Variants in SDCCAG8 observed in about 807,000 individuals in gnomAD.
SDCCAG8 encodes the protein serologically defined colon cancer antigen 8.
SDCCAG8 carries 74 observed loss-of-function variants against 101.8 expected under a neutral mutation model. The observed-to-expected ratio is 0.73, with a 90% confidence interval of 0.60 to 0.88. The LOEUF is 0.88. Ranked by LOEUF, SDCCAG8 falls within the 40% of genes least tolerant of loss-of-function variation. SDCCAG8 has a pLI of 0.00. For missense variants in SDCCAG8, 787 were observed against 822.6 expected (o/e 0.96, Z 0.53); for synonymous variants, 281 against 292.9 (o/e 0.96, Z 0.41).
At chr1:243,360,747 G>C (rs952746238) in intron 12 of SDCCAG8, among the ~76,000 whole-genome samples, 1 of 152,062 alleles carries the variant, frequency 6.6e-6, no homozygotes, top group African/African-American at 2.4e-5. Flanking sequence ...GTTTGAACCC[G>C]GGTGGTGGAG....
Position 243,344,298 on chromosome 1 carries a change from A to G in SDCCAG8, c.1440A>G (p.Ala480=), listed in dbSNP as rs2075568140. 3 of 1,613,728 alleles carry G rather than the reference A, an allele frequency of 1.9e-6. No homozygotes were observed. The highest frequency in any genetic ancestry group is 2.5e-6 in the Non-Finnish European group (3 of 1,179,798). Residue 480 remains alanine, a synonymous_variant, in exon 12 of 18, where the codon GCA becomes GCG. Coordinates refer to ENST00000366541, the MANE Select transcript of SDCCAG8 (RefSeq NM_006642.5). ...AAAAGGAGCACAGAGAGTTCAGAGC[A>G]AAAACTAACAGGGATCTTGAAATTA... ...EAEKEHREFR[A]KTNRDLEIKD...
Position 243,426,425 on chromosome 1 carries a change from A to G in SDCCAG8, c.1854-2A>G. 6.2e-7 allele frequency: 1 copy of G among 1,612,682 alleles called. No homozygotes were observed. The highest frequency in any genetic ancestry group is 1.1e-5 in the South Asian group (1 of 90,988). On this transcript the variant is annotated splice_acceptor_variant, in intron 15 of 17. Coordinates refer to ENST00000366541, the MANE Select transcript of SDCCAG8 (RefSeq NM_006642.5). LOFTEE classifies it high-confidence loss of function. ...CTATTATTTTTGTGTTTTCACCTCT[A>G]GATCTGAAATAGCTCAACTCAGTCA...
rs1251533365 is a variant in SDCCAG8 at position 243,499,928 on chromosome 1, G to A, written c.*143G>A. ...CAGTGGGGCTGGTCCTCATCAACGCGGGCGCTGTCCCCGCACGCAGTCGGG... is the reference window on the plus strand; with the variant it reads ...CAGTGGGGCTGGTCCTCATCAACGCAGGCGCTGTCCCCGCACGCAGTCGGG... On this transcript the variant is annotated 3_prime_UTR_variant, in exon 18 of 18. Coordinates refer to ENST00000366541, the MANE Select transcript of SDCCAG8 (RefSeq NM_006642.5). 1.2e-5 allele frequency: 9 copies of A among 762,878 alleles called. No individual in the cohort carries two copies. Among genetic ancestry groups the A allele is most frequent in the Middle Eastern group, 2.2e-4 (1 of 4,470 alleles). The allele number at this position is 762,878 out of a possible 1,614,324, so 47.3% of individuals were successfully genotyped here. A position where few individuals can be genotyped will look rare whatever the true frequency, so the allele number is the denominator to read the frequency against.
intron 10 of SDCCAG8, among the ~76,000 whole-genome samples, chr1:243,339,731 G>A (rs553378679): frequency 1.3e-5 from 2 of 152,220 alleles, no homozygotes; most frequent in South Asian, 4.1e-4. Context: ...TTGATGTCAG[G>A]TTCTTAATTT....
intron 1 of SDCCAG8, among the ~76,000 whole-genome samples, chr1:243,266,298 T>C: frequency 6.6e-6 from 1 of 151,670 alleles, no homozygotes; most frequent in South Asian, 2.1e-4. Flanking sequence ...CCTTTGACCA[T>C]CACTGAATTT....
intron 11 of SDCCAG8, among the ~76,000 whole-genome samples, chr1:243,341,712 C>G (rs576007937): frequency 2.4e-4 from 37 of 152,250 alleles, no homozygotes; most frequent in African/African-American, 8.9e-4. Flanking sequence ...CTTTAAAATA[C>G]TACATTGTCT....
Position 243,499,787 on chromosome 1 carries a change from C to T in SDCCAG8, c.*2C>T, listed in dbSNP as rs376082705. ...AGCATGCCACAATCTGATTGCTGAC[C>T]TGGATGGAACAGAGTGAAATAAATG... On this transcript the variant is annotated 3_prime_UTR_variant, in exon 18 of 18. Transcript: ENST00000366541. 149 of 1,612,440 alleles carry T rather than the reference C, an allele frequency of 9.2e-5. No individual in the cohort carries two copies. The highest frequency in any genetic ancestry group is 8.7e-5 in the Non-Finnish European group (102 of 1,178,910).
intron 16 of SDCCAG8, among the ~76,000 whole-genome samples, chr1:243,454,830 G>A (rs2083619370): frequency 6.6e-6 from 1 of 152,078 alleles, no homozygotes; most frequent in African/African-American, 2.4e-5. Flanking sequence ...CATGACAGAT[G>A]CACCCTCCAC....
At chr1:243,445,847 T>C (rs185925525) in intron 16 of SDCCAG8, among the ~76,000 whole-genome samples, 175 of 152,372 alleles carry the variant, frequency 1.1e-3, no homozygotes, top group Admixed American at 2.1e-3. Context: ...TTCAGCTTTG[T>C]TGAATGCTTC....
At chr1:243,274,772 C>A in intron 4 of SDCCAG8, 116 bp downstream of exon 4, 1 of 657,340 alleles carries the variant, frequency 1.5e-6, no homozygotes, top group Non-Finnish European at 2.8e-6. Context: ...TTGACAATTG[C>A]TATTCTTACG....
chr1:243,495,250 C>A (rs892244965), intron 17 of SDCCAG8, among the ~76,000 whole-genome samples: 6 of 152,228 alleles, frequency 3.9e-5, no homozygotes, highest in Non-Finnish European at 7.3e-5. Context: ...TGCGGGGCCG[C>A]CTCCCTCTCC....
intron 16 of SDCCAG8, among the ~76,000 whole-genome samples, chr1:243,451,768 G>C (rs1264171184): frequency 6.6e-6 from 1 of 151,970 alleles, no homozygotes; most frequent in Admixed American, 6.6e-5. Context: ...TACAAAAAAA[G>C]AAATACAAAA....
At chr1:243,407,555 T>C (rs2079874280) in intron 13 of SDCCAG8, among the ~76,000 whole-genome samples, 1 of 152,228 alleles carries the variant, frequency 6.6e-6, no homozygotes, top group South Asian at 2.1e-4. Context: ...AGGCAATAGC[T>C]AGTCTACTGT....
At chr1:243,394,310 A>G (rs555218929) in intron 13 of SDCCAG8, among the ~76,000 whole-genome samples, 2 of 152,308 alleles carry the variant, frequency 1.3e-5, no homozygotes, top group South Asian at 4.1e-4. Context: ...AATTAGACTT[A>G]TTTGATATAG....
At chr1:243,367,364 A>G (rs967805099) in intron 12 of SDCCAG8, among the ~76,000 whole-genome samples, 5 of 152,134 alleles carry the variant, frequency 3.3e-5, no homozygotes, top group Non-Finnish European at 5.9e-5. Context: ...TGATTTGAAT[A>G]CAGCTAGTGT....
intron 10 of SDCCAG8, among the ~76,000 whole-genome samples, chr1:243,335,251 T>C (rs1173691818): frequency 6.6e-6 from 1 of 152,102 alleles, no homozygotes; most frequent in African/African-American, 2.4e-5. Context: ...CAAGAATAGA[T>C]GGGGTTTAGA....
intron 10 of SDCCAG8, among the ~76,000 whole-genome samples, chr1:243,339,709 A>G (rs771769028): frequency 2.0e-5 from 3 of 152,224 alleles, no homozygotes; most frequent in Admixed American, 6.5e-5. Flanking sequence ...GCAGACACCT[A>G]TCTTCGTTTT....
intron 16 of SDCCAG8, among the ~76,000 whole-genome samples, chr1:243,438,927 G>A (rs1367789664): frequency 3.3e-5 from 5 of 152,070 alleles, no homozygotes; most frequent in Non-Finnish European, 5.9e-5. Context: ...TTCCATATCT[G>A]TTTTAAGATA....
intron 16 of SDCCAG8, among the ~76,000 whole-genome samples, chr1:243,427,928 G>T (rs2148047782): frequency 6.6e-6 from 1 of 152,274 alleles, no homozygotes; most frequent in East Asian, 1.9e-4. Context: ...GCCACACGTG[G>T]TCTCCGTGGC....
Sources: allele counts gnomAD v4.1 joint callset (sites outside exome capture counted in the v4.1 genomes callset), GRCh38; gene constraint gnomAD v4.1.1; transcripts MANE v1.5; gene names NCBI Gene and HGNC (gene_info 2026-07-23, HGNC 2026-07-21).